The following TACC3 variants were observed in gnomAD, a reference collection of about 807,000 sequenced individuals.
TACC3 encodes the protein transforming acidic coiled-coil-containing protein 3.
Under a neutral mutation model 86.0 loss-of-function variants are expected in TACC3, and 52 were observed. The observed-to-expected ratio is 0.60, with a 90% CI of 0.48 to 0.76. The LOEUF (loss-of-function observed/expected upper bound fraction) is 0.76, where lower values mean the gene tolerates loss of function less well. Ranked by LOEUF, TACC3 falls within the 30% of genes least tolerant of loss-of-function variation. TACC3 has a pLI of 0.00. For missense variants in TACC3, 1,120 were observed against 1,070.4 expected (o/e 1.05, Z -0.65); for synonymous variants, 512 against 430.0 (o/e 1.19, Z -2.36).
At position 1,735,984 on chromosome 4, in the gene TACC3, C is replaced by G. The variant is rs1300537619; in HGVS notation, c.1748+150C>G. 1.6e-5 allele frequency: 10 copies of G among 634,464 alleles called. No individual in the cohort carries two copies. The highest frequency in any genetic ancestry group is 5.7e-5 in the East Asian group (2 of 35,362). The allele number at this position is 634,464 out of a possible 1,614,324, so 39.3% of individuals were successfully genotyped here. A position where few individuals can be genotyped will look rare whatever the true frequency, so the allele number is the denominator to read the frequency against. On this transcript the variant is annotated intron_variant, in intron 8 of 15. Transcript: ENST00000313288. This position sits in a 1 kb window ranked among gnomAD's most constrained non-coding sequence, Gnocchi z 4.2. ...GCTGTGCTAGGGGTGGGCTGGGCAG[C>G]AAGGCCAGAGCAGCCCTTGTGTGTC...
Position 1,723,828 on chromosome 4 carries a change from T to C in TACC3, c.263T>C (p.Leu88Pro). ...LEAPFTQDDT[L>P]GLENSHPVWT... ...GCTCCTTTCACTCAGGATGACACCC[T>C]TGGACTGGAAAACTCACACCCGGTC... is the stretch of plus-strand genomic sequence containing the variant. The change falls in exon 3 of 16, where the codon CTT (leucine) becomes CCT (proline). Residue 88 changes from leucine to proline, a missense_variant. Coordinates refer to ENST00000313288, the MANE Select transcript of TACC3 (RefSeq NM_006342.3). 6.2e-7 allele frequency: 1 copy of C among 1,613,596 alleles called. No individual in the cohort carries two copies. The highest frequency in any genetic ancestry group is 8.5e-7 in the Non-Finnish European group (1 of 1,180,002).
rs1717806205 is a variant in TACC3 at position 1,728,240 on chromosome 4, G to A, written c.838G>A (p.Gly280Ser). The A allele has an allele frequency of 1.2e-6, 2 of 1,612,420 alleles. No homozygotes were observed. Among genetic ancestry groups the A allele is most frequent in the Non-Finnish European group, 1.7e-6 (2 of 1,179,884 alleles). ...AGCCCTGGGCTGCCCTGCGGGTGTGGGCACCCCCGTGCCAGCAGATGGCAC... is the reference window on the plus strand; with the variant it reads ...AGCCCTGGGCTGCCCTGCGGGTGTGAGCACCCCCGTGCCAGCAGATGGCAC... The part of the protein sequence containing the change: ...GEALGCPAGV[G>S]TPVPADGTQT... Residue 280 changes from glycine to serine, a missense_variant, in exon 4 of 16, where the codon GGC (glycine) becomes AGC (serine). By Grantham distance (56) the Gly-to-Ser change is moderately conservative (BLOSUM62 0). Coordinates refer to ENST00000313288, the MANE Select transcript of TACC3 (RefSeq NM_006342.3).
intron 10 of TACC3, 82 bp from the exon 11 acceptor site, chr4:1,739,620 C>T (rs1036860195): frequency 3.0e-5 from 39 of 1,315,042 alleles, no homozygotes; most frequent in East Asian, 1.0e-4. Flanking sequence ...ACCTCGGGTG[C>T]GGGCTGGCCC....
chr4:1,730,533 G>C (rs1560304636), intron 4 of TACC3: 2 of 426,134 alleles, frequency 4.7e-6, no homozygotes, highest in Non-Finnish European at 4.7e-6. Flanking sequence ...TGGGTGGCTT[G>C]CTGCCCACAC....
In TACC3 at chr4:1,735,766, C is replaced by T. The variant is rs200275135; in HGVS notation, c.1680C>T (p.Tyr560=). Reference sequence around the variant, plus strand: ...CGGCCTTGAGGAAGCAGTCCTTATACCTCAAGTTCGACCCCCTCCTGAGGG... The same window carrying T: ...CGGCCTTGAGGAAGCAGTCCTTATATCTCAAGTTCGACCCCCTCCTGAGGG... ...KESALRKQSL[Y]LKFDPLLRDS... Residue 560 remains tyrosine (Y), a synonymous_variant, in exon 8 of 16, where the codon TAC becomes TAT. Transcript: ENST00000313288. The surrounding 1 kb of genome is among the most constrained non-coding windows in gnomAD (Gnocchi z 4.2). The T allele has an allele frequency of 1.9e-5, 30 of 1,613,088 alleles. No individual in the cohort carries two copies. The African/African-American group carries it at 3.3e-4, about 18-fold the overall frequency.
Position 1,745,134 on chromosome 4 carries a change from G to T in TACC3, c.*121G>T. ...ACTTTTTTAAAAACTAGATTGCTTT[G>T]AAAACATGACTCAATAAAAGTTTCC... On this transcript the variant is annotated 3_prime_UTR_variant, in exon 16 of 16. Transcript: ENST00000313288. 9.4e-7 allele frequency: 1 copy of T among 1,061,466 alleles called. No individual in the cohort carries two copies. 65.8% of individuals were successfully genotyped at this position (1,061,466 alleles called of 1,614,324 possible).
At chr4:1,738,600 G>A (rs1417580853) in intron 10 of TACC3, among the ~76,000 whole-genome samples, 4 of 152,248 alleles carry the variant, frequency 2.6e-5, no homozygotes, top group Admixed American at 2.0e-4. Flanking sequence ...AATTTTCTCA[G>A]CAAGGCAGTT....
intron 3 of TACC3, among the ~76,000 whole-genome samples, chr4:1,725,608 T>C (rs1240406374): frequency 1.3e-5 from 2 of 152,170 alleles, no homozygotes; most frequent in African/African-American, 4.8e-5. Context: ...CTCTCCCCTA[T>C]GCCTCCAGGA....
Position 1,740,874 on chromosome 4 carries a change from T to C in TACC3, c.2111T>C (p.Val704Ala). 1 of 1,612,860 alleles carries C rather than the reference T, an allele frequency of 6.2e-7. No homozygotes were observed. Among genetic ancestry groups the C allele is most frequent in the Non-Finnish European group, 8.5e-7 (1 of 1,179,760 alleles). Residue 704 changes from valine to alanine, a missense_variant, in exon 13 of 16, where the codon GTT (valine) becomes GCT (alanine). Physicochemically the swap from Val to Ala is moderately conservative, Grantham distance 64. Transcript: ENST00000313288. ...CTTTCCAAAGCTGAAATCCAGAAAG[T>C]TCTAAAAGAAAAAGACCAACTTACC... ...KELSKAEIQK[V>A]LKEKDQLTTD... is the part of the protein sequence containing the mutation.
chr4:1,728,756 G>A lies in TACC3; in HGVS notation c.1354G>A (p.Ala452Thr), dbSNP rs200375977. Residue 452 changes from alanine to threonine, a missense_variant, in exon 4 of 16, where the codon GCC becomes ACC. By Grantham distance (58) the Ala-to-Thr change is moderately conservative (BLOSUM62 0). Transcript: ENST00000313288. ...PAAEQLHAGP[A>T]TEEPGPCLSQ... ...GGCTGAACAGTTGCATGCTGGGCCTGCCACGGAGGAGCCAGGTCCCTGTCT... is the reference window on the plus strand; with the variant it reads ...GGCTGAACAGTTGCATGCTGGGCCTACCACGGAGGAGCCAGGTCCCTGTCT... 3 of 1,610,480 alleles carry A rather than the reference G, an allele frequency of 1.9e-6. No individual in the cohort carries two copies. The highest frequency in any genetic ancestry group is 2.5e-6 in the Non-Finnish European group (3 of 1,179,076).
In TACC3 at chr4:1,745,060, CCTGT is replaced by C. The variant is rs1237658718; in HGVS notation, c.*51_*54del. 1.3e-6 allele frequency: 2 copies of C among 1,556,148 alleles called. No individual in the cohort carries two copies. The highest frequency in any genetic ancestry group is 1.4e-5 in the African/African-American group (1 of 73,760). On this transcript the variant is annotated 3_prime_UTR_variant, in exon 16 of 16. Transcript: ENST00000313288. ...CGCCCCCCTGCTCCCGTCTGTCTGTCCTGTCTGATTCTCTTAGGTGTCATGTTCT... is the reference window on the plus strand; with the variant it reads ...CGCCCCCCTGCTCCCGTCTGTCTGTCCTGATTCTCTTAGGTGTCATGTTCT...
chr4:1,723,224 T>A, intron 1 of TACC3, 197 bp from the exon 2 acceptor site: 2 of 610,256 alleles, frequency 3.3e-6, no homozygotes, highest in Non-Finnish European at 5.8e-6. Context: ...GGCTGGAGAG[T>A]GAGTCTCTGA....
intron 6 of TACC3, among the ~76,000 whole-genome samples, chr4:1,733,197 G>A (rs1718089480): frequency 6.6e-6 from 1 of 152,138 alleles, no homozygotes; most frequent in African/African-American, 2.4e-5. Flanking sequence ...GTCTTTTTAT[G>A]TGCTCGTTGG....
At chr4:1,722,495 C>T (rs1380522712) in intron 1 of TACC3, among the ~76,000 whole-genome samples, 1 of 152,196 alleles carries the variant, frequency 6.6e-6, no homozygotes, top group Non-Finnish European at 1.5e-5. Flanking sequence ...CTGCTCTTAA[C>T]CTCCCCACCC....
In TACC3 at chr4:1,723,530, C is replaced by G. The variant is rs373800152; in HGVS notation, c.109C>G (p.Arg37Gly). The G allele has an allele frequency of 7.3e-5, 118 of 1,613,652 alleles. No individual in the cohort carries two copies. Among genetic ancestry groups the G allele is most frequent in the Non-Finnish European group, 9.5e-5 (112 of 1,179,980 alleles). Residue 37 changes from arginine to glycine, a missense_variant, in exon 2 of 16, where the codon CGT (arginine) becomes GGT (glycine). Transcript: ENST00000313288. ...AGTTACCGGAAGATCGTCTGTTCTTCGTGTGTCACAGAAAGAAAATGTGCC... is the reference window on the plus strand; with the variant it reads ...AGTTACCGGAAGATCGTCTGTTCTTGGTGTGTCACAGAAAGAAAATGTGCC... ...PEVTGRSSVL[R>G]VSQKENVPPK...
intron 6 of TACC3, among the ~76,000 whole-genome samples, chr4:1,733,794 A>G (rs1718119446): frequency 6.6e-6 from 1 of 152,198 alleles, no homozygotes; most frequent in African/African-American, 2.4e-5. Context: ...CCTGGCCAAC[A>G]TGGTGAAACC....
chr4:1,740,479 C>T (rs1252668701), intron 12 of TACC3: 2 of 312,164 alleles, frequency 6.4e-6, no homozygotes, highest in Admixed American at 4.7e-5. Flanking sequence ...CTGGCCCTTG[C>T]AGTCCCTCCA....
At chr4:1,739,502 C>T (rs1718458575) in intron 10 of TACC3, 200 bp from the exon 11 acceptor site, 3 of 594,624 alleles carry the variant, frequency 5.0e-6, no homozygotes, top group African/African-American at 1.9e-5. Context: ...CCTCCTGCCC[C>T]CTGGCAGTCG....
chr4:1,736,406 G>A lies in TACC3; in HGVS notation c.1748+572G>A, dbSNP rs1188157684. 2.5e-5 allele frequency among the ~76,000 whole-genome samples: 3 copies of A among 120,692 alleles called. No homozygotes were observed. In the Admixed American group the frequency reaches 3.1e-4, roughly 12 times the overall value. 79.2% of individuals were successfully genotyped at this position (120,692 alleles called of 152,430 possible). ...CCACTGCACTCCAGCCTGGGCAACAGAGTGAGACTCCATCTCAAAAAAAAA... is the reference window on the plus strand; with the variant it reads ...CCACTGCACTCCAGCCTGGGCAACAAAGTGAGACTCCATCTCAAAAAAAAA... On this transcript the variant is annotated intron_variant, in intron 8 of 15. Coordinates refer to ENST00000313288, the MANE Select transcript of TACC3 (RefSeq NM_006342.3).
Sources: allele counts gnomAD v4.1 joint callset (sites outside exome capture counted in the v4.1 genomes callset), GRCh38; gene constraint gnomAD v4.1.1; non-coding constraint Gnocchi (gnomAD v3.1); transcripts MANE v1.5; gene names NCBI Gene and HGNC (gene_info 2026-07-23, HGNC 2026-07-21).